Variants in CFAP61 observed in about 807,000 individuals in gnomAD.
The protein encoded by CFAP61 is cilia and flagella associated protein 61, also known as cilia- and flagella-associated protein 61.
Under a neutral mutation model 135.6 loss-of-function variants are expected in CFAP61, and 107 were observed. That is an observed-to-expected ratio of 0.79 (90% CI 0.67 to 0.93). The LOEUF (loss-of-function observed/expected upper bound fraction) is 0.93, where lower values mean the gene tolerates loss of function less well. Among genes scored for constraint, CFAP61 ranks in the 40% least tolerant of loss-of-function variants. The pLI is 0.00. For synonymous variants in CFAP61, 575 were observed against 578.5 expected (o/e 0.99, Z 0.09); for missense variants, 1,507 against 1,556.2 (o/e 0.97, Z 0.53).
chr20:20,141,133 C>T (rs929312358), intron 8 of CFAP61, among the ~76,000 whole-genome samples: 2 of 152,126 alleles, frequency 1.3e-5, no homozygotes, highest in African/African-American at 4.8e-5. Flanking sequence ...GTTGGTCAGG[C>T]TGGTCTTGAA....
intron 22 of CFAP61, among the ~76,000 whole-genome samples, chr20:20,285,995 A>G (rs376921450): frequency 1.3e-4 from 19 of 146,918 alleles, no homozygotes; most frequent in African/African-American, 4.3e-4. Context: ...ATGGAGAGAA[A>G]AGGTAATTGA....
chr20:20,216,504 A>C (rs1313857425), intron 17 of CFAP61, among the ~76,000 whole-genome samples: 1 of 152,228 alleles, frequency 6.6e-6, no homozygotes, highest in Non-Finnish European at 1.5e-5. Flanking sequence ...CCTGCAAGTC[A>C]CAGCTGTCAT....
At chr20:20,131,726 ATTTTTCAGC>A (rs2050543465) in intron 8 of CFAP61, among the ~76,000 whole-genome samples, 1 of 151,486 alleles carries the variant, frequency 6.6e-6, no homozygotes, top group South Asian at 2.1e-4. Context: ...TAACTCATTG[ATTTTTCAGC>A]TTTTCTTCCA....
chr20:20,129,929 T>G (rs910953699), intron 8 of CFAP61, among the ~76,000 whole-genome samples: 8 of 151,656 alleles, frequency 5.3e-5, no homozygotes, highest in African/African-American at 2.0e-4. Context: ...TTTTTTAAAT[T>G]GTTATTTCAA....
intron 6 of CFAP61, chr20:20,085,273 G>T: frequency 1.0e-6 from 1 of 985,458 alleles, no homozygotes; most frequent in Non-Finnish European, 1.2e-6. Context: ...TTGACTGCAT[G>T]AGTTGTTTTC....
intron 7 of CFAP61, among the ~76,000 whole-genome samples, chr20:20,097,971 A>G (rs151066767): frequency 0.023 from 3,434 of 152,286 alleles, 53 homozygotes; most frequent in Middle Eastern, 0.065. Flanking sequence ...TGTGCATGGC[A>G]GAGGGAAAGA....
At chr20:20,249,302 A>G (rs574684192) in intron 19 of CFAP61, among the ~76,000 whole-genome samples, 8 of 152,142 alleles carry the variant, frequency 5.3e-5, no homozygotes, top group Non-Finnish European at 1.2e-4. Flanking sequence ...TTGGGAGGCC[A>G]AGGTGAGAAG....
chr20:20,137,319 G>A (rs2051009660), intron 8 of CFAP61, among the ~76,000 whole-genome samples: 1 of 152,204 alleles, frequency 6.6e-6, no homozygotes, highest in African/African-American at 2.4e-5. Context: ...CCAGGCCTAT[G>A]TCCTTCCCTT....
rs138056477 is a variant in CFAP61, at chr20:20,250,737, G to T, written c.2160-858G>T. On this transcript the variant is annotated intron_variant, in intron 19 of 26. Coordinates refer to ENST00000245957, the MANE Select transcript of CFAP61 (RefSeq NM_015585.4). ...AGTATTCAGAACAGAATCACTAAAA[G>T]GTGGTTTACCTGAGGTCAATCCTTT... Among the ~76,000 whole-genome samples, 1,219 of 152,278 alleles carry T rather than the reference G, an allele frequency of 8.0e-3. 6 individuals are homozygous for T. Among genetic ancestry groups the T allele is most frequent in the Middle Eastern group, 0.02 (6 of 294 alleles).
intron 25 of CFAP61, among the ~76,000 whole-genome samples, chr20:20,308,791 A>G (rs1040320153): frequency 5.9e-5 from 9 of 152,164 alleles, no homozygotes; most frequent in Non-Finnish European, 1.5e-5. Context: ...AAACTTGTAC[A>G]GCAGGAGTTA....
At chr20:20,146,673 C>T (rs932605721) in intron 9 of CFAP61, among the ~76,000 whole-genome samples, 1 of 152,098 alleles carries the variant, frequency 6.6e-6, no homozygotes. Context: ...GGATTTGAGT[C>T]AAAATACTTA....
chr20:20,247,370 G>A (rs955163305), intron 19 of CFAP61, among the ~76,000 whole-genome samples: 1 of 152,216 alleles, frequency 6.6e-6, no homozygotes, highest in African/African-American at 2.4e-5. Context: ...TTCTGCAGGT[G>A]TGACGCTGCG....
chr20:20,246,970 T>G (rs893686443), intron 19 of CFAP61, among the ~76,000 whole-genome samples: 3 of 152,188 alleles, frequency 2.0e-5, no homozygotes, highest in Admixed American at 6.5e-5. Context: ...ACTTTATAAT[T>G]TTATCAGACT....
chr20:20,356,970 G>C (rs866570414), intron 26 of CFAP61, among the ~76,000 whole-genome samples: 9 of 60,670 alleles, frequency 1.5e-4, no homozygotes, highest in African/African-American at 6.6e-4. Context: ...AGGGGAGGTG[G>C]TCACACTGGG....
chr20:20,142,939 A>G lies in CFAP61; in HGVS notation c.942A>G (p.Glu314=). ...LQEPVSPDTM[E]NIQGNIAREA... is the part of the protein sequence containing the mutation. ...AACCTGTCTCTCCAGATACCATGGA[A>G]AACATCCAGGTGAGAGAGACTATCC... is the stretch of plus-strand genomic sequence containing the variant. Residue 314 remains glutamate, a synonymous_variant, in exon 9 of 27, where the codon GAA becomes GAG. Coordinates refer to ENST00000245957, the MANE Select transcript of CFAP61 (RefSeq NM_015585.4). 1 of 1,585,490 alleles carries G rather than the reference A, an allele frequency of 6.3e-7. No homozygotes were observed.
At chr20:20,240,404 T>G (rs2049932543) in intron 18 of CFAP61, among the ~76,000 whole-genome samples, 2 of 152,114 alleles carry the variant, frequency 1.3e-5, no homozygotes, top group South Asian at 4.2e-4. Context: ...GGGGGAGGCC[T>G]CCTGCATGGC....
chr20:20,106,791 T>C (rs900675733), intron 8 of CFAP61, among the ~76,000 whole-genome samples: 6 of 152,214 alleles, frequency 3.9e-5, no homozygotes, highest in African/African-American at 1.4e-4. Context: ...TTGGGGTAGA[T>C]CACAGTTTGT....
chr20:20,256,973 G>T (rs73131155), intron 20 of CFAP61, among the ~76,000 whole-genome samples: 14,430 of 152,122 alleles, frequency 0.095, 779 homozygotes, highest in Middle Eastern at 0.15. Flanking sequence ...TCAGGGGCTG[G>T]GTGATCAAAT....
intron 17 of CFAP61, among the ~76,000 whole-genome samples, chr20:20,223,237 C>A (rs914923941): frequency 6.6e-6 from 1 of 152,140 alleles, no homozygotes; most frequent in African/African-American, 2.4e-5. Flanking sequence ...AAGACTGGTT[C>A]CCATGTTTGC....
Sources: gnomAD v4.1 joint callset for allele counts (sites outside exome capture counted in the v4.1 genomes callset) on GRCh38, gnomAD v4.1.1 for gene constraint, MANE v1.5 for transcripts, NCBI Gene and HGNC (gene_info 2026-07-23, HGNC 2026-07-21) for gene names.